The following PDGFD variants were observed in gnomAD, a reference collection of about 807,000 sequenced individuals.
PDGFD encodes platelet derived growth factor D.
PDGFD carries 30 observed loss-of-function variants against 44.7 expected under a neutral mutation model. The observed-to-expected ratio is 0.67, with a 90% CI of 0.50 to 0.91. PDGFD has a LOEUF of 0.91. Among genes scored for constraint, PDGFD ranks in the 40% least tolerant of loss-of-function variants. The pLI is 0.00. For synonymous variants in PDGFD, 173 were observed against 168.4 expected, an observed-to-expected ratio of 1.03 and a Z score of -0.21; for missense variants, 445 against 457.8, an observed-to-expected ratio of 0.97 and a Z score of 0.25.
chr11:104,104,985 T>C (rs78701074), intron 1 of PDGFD, among the ~76,000 whole-genome samples: 3,594 of 152,294 alleles, frequency 0.024, 46 homozygotes, highest in Middle Eastern at 0.044. Context: ...TCACCATGTA[T>C]ACCAGCATCA....
chr11:104,096,028 T>C (rs1455367812), intron 1 of PDGFD, among the ~76,000 whole-genome samples: 1 of 152,204 alleles, frequency 6.6e-6, no homozygotes, highest in African/African-American at 2.4e-5. Flanking sequence ...TGCCTAAACA[T>C]ATTCCCAAGG....
chr11:104,110,520 CA>C (rs968311571), intron 1 of PDGFD, among the ~76,000 whole-genome samples: 4 of 146,036 alleles, frequency 2.7e-5, no homozygotes, highest in Non-Finnish European at 4.5e-5. Context: ...AAAAAAACAA[CA>C]AAAAAAAGAA....
intron 6 of PDGFD, among the ~76,000 whole-genome samples, chr11:103,924,951 T>C (rs530097149): frequency 1.3e-4 from 20 of 152,180 alleles, no homozygotes; most frequent in Non-Finnish European, 2.9e-4. Flanking sequence ...CTCCTAATGC[T>C]ATCCCTCCCC....
chr11:104,000,031 A>C lies in PDGFD; in HGVS notation c.329+20T>G, dbSNP rs1183333276. ...TTTTCACCTTGAAATAGTACCGTAAAAATTTTTTTCCCAACTTACCTACAG... is the reference window on the plus strand; with the variant it reads ...TTTTCACCTTGAAATAGTACCGTAACAATTTTTTTCCCAACTTACCTACAG... On this transcript the variant is annotated intron_variant, in intron 2 of 6. Coordinates refer to ENST00000393158, the MANE Select transcript of PDGFD (RefSeq NM_025208.5). 1.0e-5 allele frequency: 16 copies of C among 1,597,600 alleles called. No individual in the cohort carries two copies. In the Admixed American group the frequency reaches 2.5e-4, roughly 25 times the overall value.
chr11:104,100,643 CA>C (rs1347845034), intron 1 of PDGFD, among the ~76,000 whole-genome samples: 2 of 151,526 alleles, frequency 1.3e-5, no homozygotes, highest in Non-Finnish European at 2.9e-5. Flanking sequence ...AGAGACACAA[CA>C]AAAAAAAGAG....
intron 1 of PDGFD, among the ~76,000 whole-genome samples, chr11:104,003,723 G>T (rs1284331603): frequency 6.6e-6 from 1 of 152,178 alleles, no homozygotes; most frequent in Non-Finnish European, 1.5e-5. Context: ...TGGGGTTACA[G>T]AGCTAGCTGA....
At chr11:104,125,798 C>T (rs1267937740) in intron 1 of PDGFD, among the ~76,000 whole-genome samples, 2 of 152,238 alleles carry the variant, frequency 1.3e-5, no homozygotes, top group Non-Finnish European at 2.9e-5. Context: ...AGCAAATGCA[C>T]GGCATGACCA....
In PDGFD at chr11:104,077,196, A is replaced by G. The variant is rs74991126; in HGVS notation, c.125-76941T>C. Among the ~76,000 whole-genome samples the G allele has an allele frequency of 6.3e-3, 961 of 152,298 alleles. 8 individuals carry two copies. The highest frequency in any genetic ancestry group is 0.022 in the African/African-American group (895 of 41,554). The stretch of plus-strand genomic sequence containing the variant: ...CTGGAGAAAAATTTTTAAGAAAGGA[A>G]AAAGACAAGGGTAGATCTCAATGTG... On this transcript the variant is annotated intron_variant, in intron 1 of 6. Coordinates refer to ENST00000393158, the MANE Select transcript of PDGFD (RefSeq NM_025208.5).
chr11:104,069,835 G>A (rs112128804), intron 1 of PDGFD, among the ~76,000 whole-genome samples: 2,938 of 151,740 alleles, frequency 0.019, 101 homozygotes, highest in African/African-American at 0.066. Context: ...ACTCCAGCCT[G>A]GGTGACAGAG....
chr11:104,079,457 G>A lies in PDGFD; in HGVS notation c.125-79202C>T, dbSNP rs570074184. Among the ~76,000 whole-genome samples the A allele has an allele frequency of 5.3e-5, 8 of 151,954 alleles. No individual in the cohort carries two copies. In the South Asian group the frequency reaches 6.2e-4, roughly 12 times the overall value. ...GACTGGAGTGCAGTGGTAAGATCTC[G>A]GCTCACTGCAACCTCCGGCTCCCGG... On this transcript the variant is annotated intron_variant, in intron 1 of 6. Transcript: ENST00000393158.
chr11:104,073,014 A>G (rs1860903347), intron 1 of PDGFD, among the ~76,000 whole-genome samples: 1 of 152,106 alleles, frequency 6.6e-6, no homozygotes, highest in Non-Finnish European at 1.5e-5. Flanking sequence ...CAAGGAATAA[A>G]TATGTATAGA....
At chr11:104,099,594 T>A (rs2134443606) in intron 1 of PDGFD, among the ~76,000 whole-genome samples, 1 of 151,134 alleles carries the variant, frequency 6.6e-6, no homozygotes, top group African/African-American at 2.4e-5. Context: ...ATTGCACCAC[T>A]ACACTGCAGC....
At chr11:104,141,919 G>A (rs906989672) in intron 1 of PDGFD, among the ~76,000 whole-genome samples, 1 of 152,128 alleles carries the variant, frequency 6.6e-6, no homozygotes, top group African/African-American at 2.4e-5. Context: ...CACCACAGTT[G>A]TGCAATTTAA....
intron 1 of PDGFD, among the ~76,000 whole-genome samples, chr11:104,131,827 A>AAG (rs397745026): frequency 9.1e-6 from 1 of 109,692 alleles, no homozygotes; most frequent in African/African-American, 3.7e-5. Context: ...AAAAAAAAAA[A>AAG]GGGGATGCTT....
intron 4 of PDGFD, among the ~76,000 whole-genome samples, chr11:103,947,437 TC>T (rs141079092): frequency 0.072 from 10,919 of 152,196 alleles, 1,093 homozygotes; most frequent in East Asian, 0.23. Flanking sequence ...TAGTGTGAGT[TC>T]CTACCATGCT....
intron 3 of PDGFD, among the ~76,000 whole-genome samples, chr11:103,951,684 G>T (rs982224029): frequency 6.6e-6 from 1 of 152,068 alleles, no homozygotes; most frequent in Non-Finnish European, 1.5e-5. Flanking sequence ...GCTGTTCCCT[G>T]CCTGGATGCA....
intron 1 of PDGFD, among the ~76,000 whole-genome samples, chr11:104,086,668 C>T (rs527856678): frequency 2.6e-5 from 4 of 152,272 alleles, no homozygotes; most frequent in African/African-American, 7.2e-5. Context: ...TTTAGATAAA[C>T]GTATCACCCA....
chr11:104,065,641 T>C (rs549717153), intron 1 of PDGFD, among the ~76,000 whole-genome samples: 1 of 152,334 alleles, frequency 6.6e-6, no homozygotes, highest in Admixed American at 6.5e-5. Context: ...ATTCAGTACT[T>C]CATCAAATTC....
chr11:103,952,908 A>G (rs986721620), intron 3 of PDGFD, among the ~76,000 whole-genome samples: 3 of 152,250 alleles, frequency 2.0e-5, no homozygotes, highest in Non-Finnish European at 4.4e-5. Flanking sequence ...GCTTTGGAAC[A>G]TAGATATGAT....
Sources: gnomAD v4.1 joint callset for allele counts (sites outside exome capture counted in the v4.1 genomes callset) on GRCh38, gnomAD v4.1.1 for gene constraint, MANE v1.5 for transcripts, NCBI Gene and HGNC (gene_info 2026-07-23, HGNC 2026-07-21) for gene names.